SLC4A7: variants seen among roughly 807,000 people sequenced by gnomAD.
SLC4A7 encodes sodium bicarbonate cotransporter 3.
A neutral mutation model predicts 137.6 loss-of-function variants in SLC4A7; 51 were observed. That is an observed-to-expected ratio of 0.37 (90% CI 0.30 to 0.47). The LOEUF is 0.47. Among genes scored for constraint, SLC4A7 ranks in the 20% least tolerant of loss-of-function variants. SLC4A7 has a pLI of 1.00. For synonymous variants in SLC4A7, 542 were observed against 518.6 expected (o/e 1.05, Z -0.61); for missense variants, 1,247 against 1,525.4 (o/e 0.82, Z 3.04).
chr3:27,423,792 A>C (rs1224699392), intron 8 of SLC4A7: 1 of 401,008 alleles, frequency 2.5e-6, no homozygotes, highest in Non-Finnish European at 4.4e-6. Context: ...TATTATTCAC[A>C]TATTCTTTTT....
At chr3:27,439,582 T>C (rs531419665) in intron 3 of SLC4A7, among the ~76,000 whole-genome samples, 2 of 152,336 alleles carry the variant, frequency 1.3e-5, no homozygotes, top group South Asian at 4.1e-4. Context: ...ATTGATTTTA[T>C]ATCCTGGGAC....
At chr3:27,395,366 C>T (rs2052041155) in intron 18 of SLC4A7, among the ~76,000 whole-genome samples, 1 of 152,190 alleles carries the variant, frequency 6.6e-6, no homozygotes, top group South Asian at 2.1e-4. Context: ...CCCCCTGAAA[C>T]CAGGATGACC....
chr3:27,477,208 G>A (rs1462272065), intron 1 of SLC4A7, among the ~76,000 whole-genome samples: 1 of 152,226 alleles, frequency 6.6e-6, no homozygotes, highest in African/African-American at 2.4e-5. Context: ...GCACTGGGCA[G>A]GAGAAATGTC....
intron 1 of SLC4A7, among the ~76,000 whole-genome samples, chr3:27,470,641 T>A (rs199906069): frequency 2.4e-4 from 28 of 115,708 alleles, no homozygotes; most frequent in African/African-American, 3.4e-4. Context: ...GCTCCAACTT[T>A]AAAAAAAAAA....
chr3:27,416,442 TTAGAA>T (rs1232012042), intron 11 of SLC4A7, among the ~76,000 whole-genome samples: 3 of 152,210 alleles, frequency 2.0e-5, no homozygotes, highest in African/African-American at 7.2e-5. Flanking sequence ...TTTTAGCTTT[TTAGAA>T]TAGATTTGTA....
chr3:27,422,463 G>A (rs1196994165), intron 8 of SLC4A7, among the ~76,000 whole-genome samples: 1 of 151,968 alleles, frequency 6.6e-6, no homozygotes, highest in Non-Finnish European at 1.5e-5. Context: ...AGAGGTGGGG[G>A]GCTTGCTATA....
chr3:27,398,730 T>A (rs1161648022), intron 16 of SLC4A7, among the ~76,000 whole-genome samples: 2 of 152,198 alleles, frequency 1.3e-5, no homozygotes, highest in African/African-American at 4.8e-5. Context: ...GCTTTTCGTT[T>A]CTGAACAAGT....
chr3:27,404,791 A>G, intron 14 of SLC4A7, 39 bp downstream of exon 14: 1 of 1,467,042 alleles, frequency 6.8e-7, no homozygotes, highest in South Asian at 1.3e-5. Flanking sequence ...ACAATTTCAT[A>G]TATAACACAT....
chr3:27,469,065 C>G (rs989845112), intron 1 of SLC4A7, among the ~76,000 whole-genome samples: 1 of 151,974 alleles, frequency 6.6e-6, no homozygotes, highest in Non-Finnish European at 1.5e-5. Flanking sequence ...TGATTTTGCA[C>G]CACTACACTC....
At chr3:27,464,470 G>A (rs563224108) in intron 1 of SLC4A7, among the ~76,000 whole-genome samples, 1 of 152,192 alleles carries the variant, frequency 6.6e-6, no homozygotes, top group Non-Finnish European at 1.5e-5. Context: ...CACTTTGGGA[G>A]GCCGAGGCAG....
At chr3:27,439,575 G>A (rs1465480236) in intron 3 of SLC4A7, among the ~76,000 whole-genome samples, 1 of 152,066 alleles carries the variant, frequency 6.6e-6, no homozygotes, top group African/African-American at 2.4e-5. Flanking sequence ...AAATATAATT[G>A]ATTTTATATC....
chr3:27,390,239 T>G, intron 21 of SLC4A7, 135 bp from the exon 22 acceptor site: 1 of 475,866 alleles, frequency 2.1e-6, no homozygotes. Flanking sequence ...TACAGGAGAA[T>G]GTTACAGCAA....
intron 1 of SLC4A7, chr3:27,456,503 C>T (rs2058418345): frequency 1.6e-6 from 1 of 623,266 alleles, no homozygotes; most frequent in East Asian, 2.9e-5. Context: ...AATTACTCTT[C>T]AACAGATGAC....
rs757956812 is a variant in SLC4A7 at position 27,411,638 on chromosome 3, C to T, written c.1766+4G>A. ...CCCTTCAAAATATCAGTATTTGCAC[C>T]CACCGTCCAGTCCTCTGTAGCTCAG... On this transcript the variant is annotated splice_donor_region_variant and intron_variant, in intron 12 of 25. Coordinates refer to ENST00000454389, the MANE Select transcript of SLC4A7 (RefSeq NM_001321103.2). 2.0e-6 allele frequency: 3 copies of T among 1,477,194 alleles called. No homozygotes were observed. The highest frequency in any genetic ancestry group is 5.0e-5 in the East Asian group (2 of 39,624). The allele number at this position is 1,477,194 out of a possible 1,614,324, so 91.5% of individuals were successfully genotyped here.
chr3:27,465,980 A>C (rs1020279955), intron 1 of SLC4A7, among the ~76,000 whole-genome samples: 4 of 150,790 alleles, frequency 2.7e-5, no homozygotes, highest in African/African-American at 9.7e-5. Context: ...AGAAAGAAAG[A>C]AAGAAAACTG....
Position 27,417,579 on chromosome 3 carries a change from C to T in SLC4A7, c.1659+907G>A, listed in dbSNP as rs2054515472. ...GACCAGCCTGCACAACAAAGTGAGA[C>T]AGCATATCTACAAAGTATCAAAAAA... is the stretch of plus-strand genomic sequence containing the variant. On this transcript the variant is annotated intron_variant, in intron 11 of 25. Coordinates refer to ENST00000454389, the MANE Select transcript of SLC4A7 (RefSeq NM_001321103.2). 2.0e-5 allele frequency among the ~76,000 whole-genome samples: 3 copies of T among 152,202 alleles called. No homozygotes were observed. In the South Asian group the frequency reaches 6.2e-4, roughly 32 times the overall value.
At chr3:27,484,028 T>TC in intron 1 of SLC4A7, 39 bp downstream of exon 1, 5 of 1,346,738 alleles carry the variant, frequency 3.7e-6, no homozygotes, top group Non-Finnish European at 2.9e-6. Flanking sequence ...CCCCGCGCCC[T>TC]CCCCCTGCGG....
At chr3:27,430,665 C>CA (rs1307992539) in intron 7 of SLC4A7, among the ~76,000 whole-genome samples, 1 of 147,430 alleles carries the variant, frequency 6.8e-6, no homozygotes, top group East Asian at 2.0e-4. Flanking sequence ...CATGTCTCCA[C>CA]AAAAAAATAC....
At chr3:27,438,388 C>T (rs1403755695) in intron 3 of SLC4A7, among the ~76,000 whole-genome samples, 2 of 151,650 alleles carry the variant, frequency 1.3e-5, no homozygotes, top group Non-Finnish European at 2.9e-5. Context: ...ACCTGTAATC[C>T]CAGCTACTCC....
Sources: gnomAD v4.1 joint callset for allele counts (sites outside exome capture counted in the v4.1 genomes callset) on GRCh38, gnomAD v4.1.1 for gene constraint, MANE v1.5 for transcripts, NCBI Gene and HGNC (gene_info 2026-07-23, HGNC 2026-07-21) for gene names.